The following PKP1 variants were observed in gnomAD, a reference collection of about 807,000 sequenced individuals.
The protein encoded by PKP1 is plakophilin-1.
Under a neutral mutation model 76.4 loss-of-function variants are expected in PKP1, and 27 were observed. That is an observed-to-expected ratio of 0.35 (90% CI 0.26 to 0.49). The LOEUF is 0.49. Ranked by LOEUF, PKP1 falls within the 20% of genes least tolerant of loss-of-function variation. PKP1 has a pLI of 0.99. For missense variants in PKP1, 964 were observed against 955.2 expected (o/e 1.01, Z -0.12); for synonymous variants, 404 against 384.2 (o/e 1.05, Z -0.60).
At chr1:201,286,566 C>T (rs1017046676) in intron 1 of PKP1, among the ~76,000 whole-genome samples, 3 of 152,214 alleles carry the variant, frequency 2.0e-5, no homozygotes, top group Admixed American at 6.5e-5. Context: ...TGTCTGCACT[C>T]ATGCTCTCCC....
chr1:201,310,779 C>T (rs369603959), intron 2 of PKP1, among the ~76,000 whole-genome samples: 72 of 152,304 alleles, frequency 4.7e-4, no homozygotes, highest in East Asian at 2.9e-3. Flanking sequence ...GAATGGGTGA[C>T]GCCACTAGGG....
chr1:201,292,272 G>A (rs530673359), intron 1 of PKP1, among the ~76,000 whole-genome samples: 6 of 152,274 alleles, frequency 3.9e-5, no homozygotes, highest in Admixed American at 2.6e-4. Flanking sequence ...ACAGGGCAGT[G>A]GAACTGTACG....
Position 201,318,777 on chromosome 1 carries a change from A to G in PKP1, c.1214A>G (p.Asn405Ser). The change falls in exon 6 of 14, where the codon AAT becomes AGT. Residue 405 changes from asparagine to serine, a missense_variant. Coordinates refer to ENST00000367324, the MANE Select transcript of PKP1 (RefSeq NM_001005337.3). ...GTGGTGGACCCTGAGGTCTTCTTCA[A>G]TGCCACAGGCTGCTTGAGGTGAGAG... ...REVVDPEVFFNATGCLRNLSS... is the reference protein window; with the variant it reads ...REVVDPEVFFSATGCLRNLSS... The G allele has an allele frequency of 6.2e-7, 1 of 1,606,814 alleles. No homozygotes were observed. The highest frequency in any genetic ancestry group is 8.5e-7 in the Non-Finnish European group (1 of 1,177,360).
chr1:201,292,393 C>T (rs896578281), intron 1 of PKP1, among the ~76,000 whole-genome samples: 2 of 152,160 alleles, frequency 1.3e-5, no homozygotes, highest in East Asian at 1.9e-4. Context: ...AATATCAACA[C>T]CGCTAGGCCC....
At chr1:201,307,928 A>G (rs922932454) in intron 2 of PKP1, among the ~76,000 whole-genome samples, 3 of 152,120 alleles carry the variant, frequency 2.0e-5, no homozygotes, top group Non-Finnish European at 2.9e-5. Context: ...TGGGTGTGTG[A>G]CTTGGCAAGC....
intron 2 of PKP1, among the ~76,000 whole-genome samples, chr1:201,308,723 A>G (rs1656442231): frequency 6.6e-6 from 1 of 151,718 alleles, no homozygotes; most frequent in South Asian, 2.1e-4. Context: ...AGATGGCTGG[A>G]CAGGCAGGGT....
At chr1:201,311,934 C>T (rs2102171953) in intron 2 of PKP1, among the ~76,000 whole-genome samples, 1 of 152,384 alleles carries the variant, frequency 6.6e-6, no homozygotes, top group East Asian at 1.9e-4. Flanking sequence ...CACCAAGTCT[C>T]CAACCTCACA....
At chr1:201,310,490 C>A (rs1207413470) in intron 2 of PKP1, among the ~76,000 whole-genome samples, 1 of 152,214 alleles carries the variant, frequency 6.6e-6, no homozygotes, top group Non-Finnish European at 1.5e-5. Context: ...GATTCCCAGG[C>A]AGTTGCTGCC....
chr1:201,327,558 C>T (rs557643566), intron 12 of PKP1, among the ~76,000 whole-genome samples: 1 of 152,116 alleles, frequency 6.6e-6, no homozygotes, highest in African/African-American at 2.4e-5. Flanking sequence ...TGTGAGCTTC[C>T]TCCCGCTGTG....
rs771105522 is a variant in PKP1, at chr1:201,317,654, C to G, written c.929C>G (p.Ala310Gly). The G allele has an allele frequency of 6.2e-7, 1 of 1,613,868 alleles. No homozygotes were observed. Among genetic ancestry groups the G allele is most frequent in the East Asian group, 2.2e-5 (1 of 44,874 alleles). Reference protein sequence around the residue: ...NQNVQQAAAGALRNLVFRSTT... With the variant: ...NQNVQQAAAGGLRNLVFRSTT... ...AACGTCCAGCAGGCCGCGGCAGGGG[C>G]CCTGCGCAACCTGGTGTTCAGGAGC... The change falls in exon 5 of 14, where the codon GCC becomes GGC. Residue 310 changes from alanine to glycine, a missense_variant. Transcript: ENST00000367324.
At chr1:201,292,639 A>G (rs1491002244) in intron 1 of PKP1, among the ~76,000 whole-genome samples, 1 of 152,150 alleles carries the variant, frequency 6.6e-6, no homozygotes. Flanking sequence ...GGGGAGCCTA[A>G]GTGGGTGTGG....
At chr1:201,310,642 G>A (rs1199810636) in intron 2 of PKP1, among the ~76,000 whole-genome samples, 1 of 152,222 alleles carries the variant, frequency 6.6e-6, no homozygotes, top group African/African-American at 2.4e-5. Flanking sequence ...TCTGAGAGGA[G>A]GCTTTACTCC....
intron 11 of PKP1, among the ~76,000 whole-genome samples, chr1:201,325,460 G>T (rs1277595959): frequency 6.6e-6 from 1 of 152,094 alleles, no homozygotes; most frequent in African/African-American, 2.4e-5. Flanking sequence ...GCTCTGTGGG[G>T]CTCTCTCTTC....
At position 201,324,439 on chromosome 1, in the gene PKP1, C is replaced by T. The variant is rs1260531497; in HGVS notation, c.1692C>T (p.Gly564=). The T allele has an allele frequency of 1.2e-6, 2 of 1,614,176 alleles. No homozygotes were observed. The highest frequency in any genetic ancestry group is 8.5e-7 in the Non-Finnish European group (1 of 1,180,028). Residue 564 remains glycine, a synonymous_variant, in exon 10 of 14, where the codon GGC becomes GGT. Transcript: ENST00000367324. ...LTASKGLMSS[G]MSQLIGLKEK... Reference sequence around the variant, plus strand: ...TCCTTCTCTCTTAGATGTCCAGTGGCATGAGCCAGTTGATTGGGCTGAAGG... The same window carrying T: ...TCCTTCTCTCTTAGATGTCCAGTGGTATGAGCCAGTTGATTGGGCTGAAGG...
chr1:201,308,754 G>T (rs1412418841), intron 2 of PKP1, among the ~76,000 whole-genome samples: 2 of 152,100 alleles, frequency 1.3e-5, no homozygotes, highest in Non-Finnish European at 2.9e-5. Context: ...TGGGGAGTTT[G>T]TCTTGTAAGG....
At chr1:201,313,581 T>C (rs763249603) in intron 3 of PKP1, 21 bp downstream of exon 3, 180 of 1,604,946 alleles carry the variant, frequency 1.1e-4, no homozygotes, top group Non-Finnish European at 1.5e-4. Flanking sequence ...CTGGGCTGGG[T>C]TGGGGAGCCA....
chr1:201,292,923 C>T (rs1454438436), intron 1 of PKP1, among the ~76,000 whole-genome samples: 1 of 152,174 alleles, frequency 6.6e-6, no homozygotes, highest in African/African-American at 2.4e-5. Flanking sequence ...ACTTGGGCTA[C>T]CAAGAGCAGG....
In PKP1 at chr1:201,316,713, C is replaced by T. The variant is rs768949726; in HGVS notation, c.846+16C>T. On this transcript the variant is annotated intron_variant, in intron 4 of 13. Transcript: ENST00000367324. ...CAAGCAACAGGTAGCTGGTTGCATACCTTCCTCCTTGGTGGGCCTGCGGAG... is the reference window on the plus strand; with the variant it reads ...CAAGCAACAGGTAGCTGGTTGCATATCTTCCTCCTTGGTGGGCCTGCGGAG... 18 of 1,613,262 alleles carry T rather than the reference C, an allele frequency of 1.1e-5. No homozygotes were observed. Among genetic ancestry groups the T allele is most frequent in the Non-Finnish European group, 1.4e-5 (17 of 1,179,918 alleles).
chr1:201,322,988 C>T (rs1250896064), intron 8 of PKP1, 25 bp from the exon 9 acceptor site: 1 of 1,612,452 alleles, frequency 6.2e-7, no homozygotes, highest in Non-Finnish European at 8.5e-7. Context: ...CCCATTGACC[C>T]CCCTGACCGG....
Sources: gnomAD v4.1 joint callset for allele counts (sites outside exome capture counted in the v4.1 genomes callset) on GRCh38, gnomAD v4.1.1 for gene constraint, MANE v1.5 for transcripts, NCBI Gene and HGNC (gene_info 2026-07-23, HGNC 2026-07-21) for gene names.